The following IMPG1 variants were observed in gnomAD, a reference collection of about 807,000 sequenced individuals.
IMPG1 encodes interphotoreceptor matrix proteoglycan 1.
IMPG1 carries 85 observed loss-of-function variants against 92.0 expected under a neutral mutation model. That is an observed-to-expected ratio of 0.92 (90% CI 0.78 to 1.11). The LOEUF (loss-of-function observed/expected upper bound fraction) is 1.11. Ranked by LOEUF, IMPG1 falls within the 50% of genes least tolerant of loss-of-function variation. The probability of loss-of-function intolerance (pLI) is 0.00; values close to 1 mark genes in which losing one functional copy is unlikely to be tolerated. For missense variants in IMPG1, 1,022 were observed against 956.0 expected (o/e 1.07, Z -0.91); for synonymous variants, 367 against 334.1 (o/e 1.10, Z -1.08).
intron 12 of IMPG1, among the ~76,000 whole-genome samples, chr6:75,992,801 T>G (rs6916769): frequency 0.32 from 48,328 of 152,038 alleles, 8,127 homozygotes; most frequent in East Asian, 0.51. Context: ...ATGAAACTTA[T>G]TATACTTGGA....
chr6:76,000,118 A>G (rs1018067629), intron 12 of IMPG1, among the ~76,000 whole-genome samples: 13 of 152,238 alleles, frequency 8.5e-5, no homozygotes, highest in Admixed American at 7.9e-4. Flanking sequence ...GCAGATCTAT[A>G]TTAGGTGACT....
intron 9 of IMPG1, 41 bp downstream of exon 9, chr6:76,007,439 A>G (rs796341002): frequency 6.8e-7 from 1 of 1,476,252 alleles, no homozygotes. Context: ...TTTGGGGGAG[A>G]CGGGAATGTA....
chr6:76,037,143 G>A (rs989108662), intron 2 of IMPG1, among the ~76,000 whole-genome samples: 2 of 152,168 alleles, frequency 1.3e-5, no homozygotes, highest in South Asian at 2.1e-4. Context: ...ACCGTGGGGA[G>A]GAATAGGGTG....
intron 12 of IMPG1, among the ~76,000 whole-genome samples, chr6:75,993,347 A>G (rs373894745): frequency 7.9e-5 from 12 of 152,106 alleles, no homozygotes; most frequent in African/African-American, 2.7e-4. Context: ...ATTTCTCACA[A>G]CTCAGGAGGC....
intron 14 of IMPG1, among the ~76,000 whole-genome samples, chr6:75,943,854 T>C (rs1423384365): frequency 6.6e-6 from 1 of 152,216 alleles, no homozygotes; most frequent in African/African-American, 2.4e-5. Flanking sequence ...CCCTTAGTGA[T>C]GCCCAAGCCC....
intron 12 of IMPG1, among the ~76,000 whole-genome samples, chr6:75,981,761 A>G (rs539775870): frequency 2.6e-5 from 4 of 152,364 alleles, no homozygotes; most frequent in African/African-American, 9.6e-5. Flanking sequence ...TCTATCAGCT[A>G]GAGGGAATTG....
chr6:75,980,068 C>T (rs1326723645), intron 12 of IMPG1, among the ~76,000 whole-genome samples: 1 of 152,092 alleles, frequency 6.6e-6, no homozygotes, highest in African/African-American at 2.4e-5. Flanking sequence ...TCAACTATGC[C>T]TAATATGCTT....
intron 4 of IMPG1, among the ~76,000 whole-genome samples, chr6:76,032,400 C>T (rs976408747): frequency 1.3e-5 from 2 of 152,156 alleles, no homozygotes; most frequent in African/African-American, 4.8e-5. Context: ...AAAGGTAATA[C>T]TCTAGTACTA....
intron 12 of IMPG1, among the ~76,000 whole-genome samples, chr6:75,999,659 A>G (rs1782954199): frequency 6.6e-6 from 1 of 152,112 alleles, no homozygotes; most frequent in Admixed American, 6.5e-5. Flanking sequence ...TCATTAAGAT[A>G]TGTCATTTCT....
chr6:75,994,570 C>T (rs543399099), intron 12 of IMPG1, among the ~76,000 whole-genome samples: 26 of 152,328 alleles, frequency 1.7e-4, no homozygotes, highest in Middle Eastern at 3.4e-3. Flanking sequence ...GAGCATGTCA[C>T]GTCTTACATG....
chr6:76,040,583 C>T (rs1277817526), intron 2 of IMPG1, among the ~76,000 whole-genome samples: 1 of 152,144 alleles, frequency 6.6e-6, no homozygotes, highest in Non-Finnish European at 1.5e-5. Context: ...GTGGAGATGC[C>T]CTTCTAGGAC....
chr6:75,963,578 G>A (rs1234704588), intron 12 of IMPG1, among the ~76,000 whole-genome samples: 1 of 152,212 alleles, frequency 6.6e-6, no homozygotes, highest in African/African-American at 2.4e-5. Context: ...AAAAGCTGGT[G>A]AAAAGTGTCG....
chr6:76,000,154 C>T (rs1174258838), intron 12 of IMPG1, among the ~76,000 whole-genome samples: 4 of 152,216 alleles, frequency 2.6e-5, no homozygotes, highest in Admixed American at 1.3e-4. Context: ...TTTACACAGC[C>T]TGTTAAGAAG....
chr6:76,067,556 A>G (rs1784331709), intron 1 of IMPG1, among the ~76,000 whole-genome samples: 1 of 152,066 alleles, frequency 6.6e-6, no homozygotes, highest in Non-Finnish European at 1.5e-5. Context: ...AAAATCTCCT[A>G]AGAAATAAGA....
chr6:75,949,461 C>T (rs1781987732), intron 13 of IMPG1, among the ~76,000 whole-genome samples: 1 of 152,182 alleles, frequency 6.6e-6, no homozygotes, highest in African/African-American at 2.4e-5. Flanking sequence ...GAATAATCCA[C>T]CCTTTGTTTA....
rs1340602885 is a variant in IMPG1, at chr6:75,923,667, A to G, written c.2283T>C (p.Ser761=). The G allele has an allele frequency of 1.3e-6, 2 of 1,594,518 alleles. No individual in the cohort carries two copies. The highest frequency in any genetic ancestry group is 1.7e-6 in the Non-Finnish European group (2 of 1,163,490). ...DHSENQAYKT[S]VKKFQNQQNN... The stretch of plus-strand genomic sequence containing the variant: ...TTTGTTGATTTTGGAACTTTTTAAC[A>G]CTAGTTTTGTATGCTTGATTTTCAG... The change falls in exon 16 of 17, where the codon AGT becomes AGC. Residue 761 remains serine, a synonymous_variant. Transcript: ENST00000369950.
intron 15 of IMPG1, among the ~76,000 whole-genome samples, chr6:75,924,706 A>T (rs1477495438): frequency 0.035 from 54 of 1,560 alleles, 18 homozygotes; most frequent in Non-Finnish European, 0.045. Context: ...AATTATATAT[A>T]ATATATAATA....
At chr6:75,924,400 A>T (rs1781484484) in intron 15 of IMPG1, among the ~76,000 whole-genome samples, 1 of 119,430 alleles carries the variant, frequency 8.4e-6, no homozygotes, top group African/African-American at 3.2e-5. Flanking sequence ...ATATATAAAA[A>T]ATTATATATA....
intron 14 of IMPG1, among the ~76,000 whole-genome samples, chr6:75,931,398 C>A (rs1410999880): frequency 6.6e-6 from 1 of 152,144 alleles, no homozygotes; most frequent in East Asian, 1.9e-4. Context: ...GCATCAGAAT[C>A]GTCTGGAGGC....
Sources: allele counts gnomAD v4.1 joint callset (sites outside exome capture counted in the v4.1 genomes callset), GRCh38; gene constraint gnomAD v4.1.1; transcripts MANE v1.5; gene names NCBI Gene and HGNC (gene_info 2026-07-23, HGNC 2026-07-21).